ZKSCAN3: variants seen among roughly 807,000 people sequenced by gnomAD.
ZKSCAN3 encodes the protein zinc finger with KRAB and SCAN domains 3, also known as zinc finger protein with KRAB and SCAN domains 3.
A neutral mutation model predicts 30.7 loss-of-function variants in ZKSCAN3; 21 were observed. The ratio of observed to expected loss-of-function variants is 0.68; its 90% CI spans 0.49 to 0.99. The LOEUF is 0.99. ZKSCAN3 is among the 50% of genes least tolerant of loss of function. ZKSCAN3 has a pLI of 0.00. For missense variants in ZKSCAN3, 507 were observed against 647.1 expected, an observed-to-expected ratio of 0.78 and a Z score of 2.35; for synonymous variants, 201 against 246.7, an observed-to-expected ratio of 0.81 and a Z score of 1.73.
At chr6:28,365,364 A>G in intron 5 of ZKSCAN3, 62 bp from the exon 6 acceptor site, 1 of 1,552,572 alleles carries the variant, frequency 6.4e-7, no homozygotes, top group East Asian at 2.2e-5. Context: ...CCTCCCTGGT[A>G]CTCATCACAG....
At chr6:28,352,519 G>A (rs1765104083) in intron 1 of ZKSCAN3, among the ~76,000 whole-genome samples, 1 of 152,140 alleles carries the variant, frequency 6.6e-6, no homozygotes, top group Non-Finnish European at 1.5e-5. Context: ...AAAGTGCTGG[G>A]ATTACAGGTG....
chr6:28,365,630 A>G lies in ZKSCAN3; in HGVS notation c.962A>G (p.Lys321Arg), dbSNP rs1326810921. ...GRRHICHECG[K>R]SFAQSSGLSK... The stretch of plus-strand genomic sequence containing the variant: ...CGGCACATCTGCCATGAATGTGGAA[A>G]GAGTTTTGCTCAAAGCTCAGGCCTG... The change falls in exon 6 of 6, where the codon AAG becomes AGG. Residue 321 changes from lysine to arginine, a missense_variant. Physicochemically the swap from Lys to Arg is conservative, Grantham distance 26 (BLOSUM62 2). Transcript: ENST00000252211. 5.0e-6 allele frequency: 8 copies of G among 1,614,162 alleles called. No individual in the cohort carries two copies. Among genetic ancestry groups the G allele is most frequent in the East Asian group, 2.2e-5 (1 of 44,904 alleles).
chr6:28,367,440 A>G lies in ZKSCAN3; in HGVS notation c.*1155A>G, dbSNP rs536411849. On this transcript the variant is annotated 3_prime_UTR_variant, in exon 6 of 6. Transcript: ENST00000252211. ...ACTGGAATTACAGGCGTGAGCCACCATACCCAGCCCAAATTTCACTCTTTA... is the reference window on the plus strand; with the variant it reads ...ACTGGAATTACAGGCGTGAGCCACCGTACCCAGCCCAAATTTCACTCTTTA... The G allele has an allele frequency of 1.3e-5, 2 of 151,082 alleles. No individual in the cohort carries two copies. The highest frequency in any genetic ancestry group is 4.9e-5 in the African/African-American group (2 of 41,122). The allele number at this position is 151,082 out of a possible 1,614,324, so 9.4% of individuals were successfully genotyped here. A position where few individuals can be genotyped will look rare whatever the true frequency, so the allele number is the denominator to read the frequency against.
At chr6:28,363,417 C>T (rs1249864279) in intron 4 of ZKSCAN3, 32 bp downstream of exon 4, 1 of 1,596,006 alleles carries the variant, frequency 6.3e-7, no homozygotes. Context: ...CCCCCAATGC[C>T]CCTCACTACT....
intron 4 of ZKSCAN3, 131 bp from the exon 5 acceptor site, chr6:28,363,561 G>C (rs577151719): frequency 7.0e-7 from 1 of 1,431,554 alleles, no homozygotes; most frequent in South Asian, 1.3e-5. Context: ...TTATTTAGGT[G>C]CCCACTTAAG....
At chr6:28,353,756 G>T (rs1765221437) in intron 1 of ZKSCAN3, 2 of 450,028 alleles carry the variant, frequency 4.4e-6, no homozygotes, top group African/African-American at 4.0e-5. Flanking sequence ...GAAGACTGTG[G>T]ATAGAGAAAA....
intron 3 of ZKSCAN3, 41 bp downstream of exon 3, chr6:28,361,512 C>T (rs1057092308): frequency 1.1e-5 from 17 of 1,563,434 alleles, no homozygotes; most frequent in Non-Finnish European, 1.5e-5. Context: ...CTGCAGACTT[C>T]ATCCAATTTC....
In ZKSCAN3 at chr6:28,364,034, A is replaced by G. The variant is rs141609583; in HGVS notation, c.757+219A>G. 5.3e-5 allele frequency among the ~76,000 whole-genome samples: 8 copies of G among 152,228 alleles called. No homozygotes were observed. The East Asian group carries it at 1.5e-3, about 29-fold the overall frequency. On this transcript the variant is annotated intron_variant, in intron 5 of 5. Coordinates refer to ENST00000252211, the MANE Select transcript of ZKSCAN3 (RefSeq NM_024493.4). ...ACTCAGGATAGAGTGCAGTGACACA[A>G]TCATGGCTCACTGCAGCCTCAATGT...
rs1764985368 is a variant in ZKSCAN3, at chr6:28,351,163, A to C, written c.-63+1096A>C. Among the ~76,000 whole-genome samples, 1 of 152,178 alleles carries C rather than the reference A, an allele frequency of 6.6e-6. No homozygotes were observed. On this transcript the variant is annotated intron_variant, in intron 1 of 5. Transcript: ENST00000252211. The surrounding 1 kb of genome is among the most constrained non-coding windows in gnomAD (Gnocchi z 4.6). ...CTTCAGTATATTTACTGATTTGATAAATACTTTGTGTTGGCAACCAATTTC... is the reference window on the plus strand; with the variant it reads ...CTTCAGTATATTTACTGATTTGATACATACTTTGTGTTGGCAACCAATTTC...
At position 28,359,495 on chromosome 6, in the gene ZKSCAN3, A is replaced by G. The variant is rs912963773; in HGVS notation, c.-62-30A>G. The G allele has an allele frequency of 1.4e-5, 21 of 1,495,826 alleles. No homozygotes were observed. In the African/African-American group the frequency reaches 2.8e-4, roughly 20 times the overall value. 92.7% of individuals were successfully genotyped at this position (1,495,826 alleles called of 1,614,324 possible). A position where few individuals can be genotyped will look rare whatever the true frequency, so the allele number is the denominator to read the frequency against. On this transcript the variant is annotated intron_variant, in intron 1 of 5. Transcript: ENST00000252211. ...GAGAGAAGGGACTACTTGCAAGTTT[A>G]CTGGTTAATAATGATTTCCCACCTT...
chr6:28,359,422 G>A, intron 1 of ZKSCAN3, 103 bp from the exon 2 acceptor site: 1 of 846,142 alleles, frequency 1.2e-6, no homozygotes, highest in Non-Finnish European at 1.8e-6. Flanking sequence ...TGAACATGGA[G>A]AAATTTCTGC....
chr6:28,358,561 C>G (rs891422493), intron 1 of ZKSCAN3, among the ~76,000 whole-genome samples: 1 of 151,938 alleles, frequency 6.6e-6, no homozygotes, highest in African/African-American at 2.4e-5. Context: ...TTTTCTATTG[C>G]TGTATAACAT....
At position 28,365,782 on chromosome 6, in the gene ZKSCAN3, T is replaced by C. The variant is rs778759383; in HGVS notation, c.1114T>C (p.Cys372Arg). ...CCACACTGGTGAGAAGCCATATGAG[T>C]GTGAAGAATGTGGTAAGGCCTTCAG... ...RVHTGEKPYE[C>R]EECGKAFSHS... The change falls in exon 6 of 6, where the codon TGT (cysteine) becomes CGT (arginine). Residue 372 changes from cysteine (C) to arginine (R), a missense_variant. Transcript: ENST00000252211. The C allele has an allele frequency of 6.2e-7, 1 of 1,613,748 alleles. No individual in the cohort carries two copies. Among genetic ancestry groups the C allele is most frequent in the East Asian group, 2.2e-5 (1 of 44,818 alleles).
intron 3 of ZKSCAN3, 129 bp downstream of exon 3, chr6:28,361,600 A>G: frequency 9.7e-7 from 1 of 1,035,910 alleles, no homozygotes; most frequent in Non-Finnish European, 1.4e-6. Flanking sequence ...TAAGACTGAG[A>G]CTAAAAGGAG....
chr6:28,355,607 T>A (rs1349000666), intron 1 of ZKSCAN3: 1 of 152,236 alleles, frequency 6.6e-6, no homozygotes, highest in Non-Finnish European at 1.5e-5. Flanking sequence ...CCTGTTTGGC[T>A]GCCAGGAAGG....
At chr6:28,357,800 G>A (rs779073398) in intron 1 of ZKSCAN3, among the ~76,000 whole-genome samples, 29 of 152,164 alleles carry the variant, frequency 1.9e-4, no homozygotes, top group Non-Finnish European at 3.7e-4. Flanking sequence ...TGATGTTTTC[G>A]GCTGCCTTGA....
At chr6:28,364,395 C>T (rs1399183006) in intron 5 of ZKSCAN3, among the ~76,000 whole-genome samples, 1 of 152,184 alleles carries the variant, frequency 6.6e-6, no homozygotes, top group Non-Finnish European at 1.5e-5. Flanking sequence ...GAGATGCCCA[C>T]TAAATGTTGA....
At chr6:28,364,512 A>G (rs987411164) in intron 5 of ZKSCAN3, among the ~76,000 whole-genome samples, 2 of 152,188 alleles carry the variant, frequency 1.3e-5, no homozygotes, top group Non-Finnish European at 2.9e-5. Context: ...GACATTGACT[A>G]TAGACCCTGA....
intron 2 of ZKSCAN3, chr6:28,360,717 T>C (rs1765719173): frequency 2.0e-6 from 2 of 985,444 alleles, no homozygotes; most frequent in Non-Finnish European, 1.2e-6. Flanking sequence ...CTTGGGTCTG[T>C]TGCACCCAAG....
Sources: allele counts gnomAD v4.1 joint callset (sites outside exome capture counted in the v4.1 genomes callset), GRCh38; gene constraint gnomAD v4.1.1; non-coding constraint Gnocchi (gnomAD v3.1); transcripts MANE v1.5; gene names NCBI Gene and HGNC (gene_info 2026-07-23, HGNC 2026-07-21).